The following ECT2L variants were observed in gnomAD, a reference collection of about 807,000 sequenced individuals.
ECT2L encodes the protein epithelial cell-transforming sequence 2 oncogene-like.
Under a neutral mutation model 122.8 loss-of-function variants are expected in ECT2L, and 126 were observed. The ratio of observed to expected loss-of-function variants is 1.03; its 90% CI spans 0.89 to 1.19. ECT2L has a LOEUF of 1.19. Among genes scored for constraint, ECT2L ranks in the 50% most tolerant of loss-of-function variants. The probability of loss-of-function intolerance (pLI) is 0.00; values close to 1 mark genes in which losing one functional copy is unlikely to be tolerated. For missense variants in ECT2L, 1,012 were observed against 1,064.1 expected (o/e 0.95, Z 0.68); for synonymous variants, 385 against 381.8 (o/e 1.01, Z -0.10).
intron 12 of ECT2L, among the ~76,000 whole-genome samples, chr6:138,867,083 AAAAAAAC>A (rs1482138804): frequency 1.4e-5 from 2 of 138,042 alleles, no homozygotes; most frequent in African/African-American, 7.0e-5. Flanking sequence ...CAAAAAAAAC[AAAAAAAC>A]AAAAAAACAA....
chr6:138,885,446 G>T (rs1778783577), intron 16 of ECT2L, 60 bp from the exon 17 acceptor site: 2 of 1,119,840 alleles, frequency 1.8e-6, no homozygotes, highest in South Asian at 1.3e-5. Flanking sequence ...CTTGCTCAGT[G>T]GAACAGTGGA....
chr6:138,890,162 A>C (rs973553890), intron 20 of ECT2L, among the ~76,000 whole-genome samples: 5 of 152,200 alleles, frequency 3.3e-5, no homozygotes, highest in Non-Finnish European at 7.3e-5. Context: ...AATTAATAGA[A>C]TCAAATAAAA....
intron 3 of ECT2L, 109 bp from the exon 4 acceptor site, chr6:138,814,382 C>T: frequency 1.6e-6 from 1 of 623,236 alleles, no homozygotes; most frequent in Admixed American, 2.9e-5. Flanking sequence ...CTGTAATGCA[C>T]TCTGCAAATA....
intron 20 of ECT2L, among the ~76,000 whole-genome samples, chr6:138,892,784 T>C (rs1003773853): frequency 3.9e-5 from 6 of 152,192 alleles, no homozygotes; most frequent in Non-Finnish European, 5.9e-5. Context: ...TGAGCCACCA[T>C]GCCCAGCCAG....
intron 4 of ECT2L, among the ~76,000 whole-genome samples, chr6:138,821,833 C>A (rs1326445280): frequency 2.6e-5 from 4 of 152,210 alleles, no homozygotes; most frequent in Non-Finnish European, 5.9e-5. Context: ...CTGGAAGCAG[C>A]CAGACATCAA....
chr6:138,843,256 A>G (rs902185426), intron 6 of ECT2L, 25 bp downstream of exon 6: 1 of 1,538,290 alleles, frequency 6.5e-7, no homozygotes, highest in African/African-American at 1.4e-5. Flanking sequence ...AAACCTTTAT[A>G]TCTTAGGTAA....
In ECT2L at chr6:138,888,920, T is replaced by C. The variant is rs1312703844; in HGVS notation, c.2326-23T>C. ...ATTTAAAAAAATTTATATGTACTTC[T>C]AATTTTGTTTTTGATTTTACAGACT... On this transcript the variant is annotated intron_variant, in intron 19 of 21. Transcript: ENST00000541398. The C allele has an allele frequency of 9.1e-6, 12 of 1,325,554 alleles. 1 individual carries two copies. Among genetic ancestry groups the C allele is most frequent in the Middle Eastern group, 2.1e-4 (1 of 4,804 alleles). The allele number at this position is 1,325,554 out of a possible 1,614,324, so 82.1% of individuals were successfully genotyped here.
intron 4 of ECT2L, among the ~76,000 whole-genome samples, chr6:138,822,411 T>C (rs1776297407): frequency 6.6e-6 from 1 of 152,028 alleles, no homozygotes; most frequent in African/African-American, 2.4e-5. Flanking sequence ...AAAAATTAGC[T>C]GGGTGCTGTG....
At chr6:138,859,512 G>T (rs1304684463) in intron 10 of ECT2L, among the ~76,000 whole-genome samples, 1 of 152,176 alleles carries the variant, frequency 6.6e-6, no homozygotes, top group African/African-American at 2.4e-5. Flanking sequence ...CAGTATCTGA[G>T]AACTCTAGTT....
chr6:138,887,574 C>G (rs1778871185), intron 19 of ECT2L, among the ~76,000 whole-genome samples: 1 of 152,168 alleles, frequency 6.6e-6, no homozygotes, highest in Admixed American at 6.5e-5. Context: ...GTGCAGGATT[C>G]TGCACCCTGA....
chr6:138,880,148 A>C (rs576447067), intron 14 of ECT2L, among the ~76,000 whole-genome samples: 2 of 152,254 alleles, frequency 1.3e-5, no homozygotes, highest in East Asian at 3.9e-4. Flanking sequence ...TGGGGAAGCA[A>C]ATTAGTTAAT....
chr6:138,893,028 T>A (rs1444094002), intron 20 of ECT2L, among the ~76,000 whole-genome samples: 2 of 152,144 alleles, frequency 1.3e-5, no homozygotes, highest in African/African-American at 4.8e-5. Context: ...TTACAGTTAT[T>A]TTAGCTGTAA....
intron 1 of ECT2L, among the ~76,000 whole-genome samples, chr6:138,812,202 T>G (rs193081106): frequency 6.6e-6 from 1 of 152,146 alleles, no homozygotes; most frequent in East Asian, 1.9e-4. Flanking sequence ...GCTACTGACA[T>G]CTTAATCTTG....
chr6:138,799,719 C>A (rs946645260), intron 1 of ECT2L, among the ~76,000 whole-genome samples: 1 of 152,186 alleles, frequency 6.6e-6, no homozygotes, highest in East Asian at 1.9e-4. Flanking sequence ...GCCGCCACAC[C>A]TGGCTAATTT....
chr6:138,851,482 CTTTTTT>C (rs56921189), intron 9 of ECT2L, among the ~76,000 whole-genome samples: 4 of 109,636 alleles, frequency 3.6e-5, no homozygotes, highest in African/African-American at 1.1e-4. Context: ...TGTGCCTAGC[CTTTTTT>C]TTTTTTTTTT....
chr6:138,868,319 C>G, intron 13 of ECT2L, 113 bp downstream of exon 13: 1 of 808,630 alleles, frequency 1.2e-6, no homozygotes, highest in South Asian at 2.1e-5. Context: ...CACAGTTCCT[C>G]AGAGAAATTA....
In ECT2L at chr6:138,904,029, T is replaced by C. The variant is rs1779496278; in HGVS notation, c.*1402T>C. 6.6e-6 allele frequency: 1 copy of C among 152,240 alleles called. No homozygotes were observed. The highest frequency in any genetic ancestry group is 2.4e-5 in the African/African-American group (1 of 41,468). The allele number at this position is 152,240 out of a possible 1,614,324, so 9.4% of individuals were successfully genotyped here. ...ATGAACAAAAGTTAAAATATTATGCTGTTTTATTGGTGTAAAACCACACTT... is the reference window on the plus strand; with the variant it reads ...ATGAACAAAAGTTAAAATATTATGCCGTTTTATTGGTGTAAAACCACACTT... On this transcript the variant is annotated 3_prime_UTR_variant, in exon 22 of 22. Coordinates refer to ENST00000541398, the MANE Select transcript of ECT2L (RefSeq NM_001077706.3).
At chr6:138,874,723 G>T (rs947316294) in intron 13 of ECT2L, among the ~76,000 whole-genome samples, 2 of 152,098 alleles carry the variant, frequency 1.3e-5, no homozygotes, top group African/African-American at 4.8e-5. Flanking sequence ...TGCTGTTTGG[G>T]TTATCTTAAT....
chr6:138,864,953 C>G (rs1282860897), intron 11 of ECT2L, 43 bp from the exon 12 acceptor site: 10 of 1,563,928 alleles, frequency 6.4e-6, no homozygotes, highest in Non-Finnish European at 8.7e-6. Context: ...ATTGTTTCAT[C>G]TGAGCTCAAG....
Sources: allele counts gnomAD v4.1 joint callset (sites outside exome capture counted in the v4.1 genomes callset), GRCh38; gene constraint gnomAD v4.1.1; transcripts MANE v1.5; gene names NCBI Gene and HGNC (gene_info 2026-07-23, HGNC 2026-07-21).